The following LRRFIP2 variants were observed in gnomAD, a reference collection of about 807,000 sequenced individuals.
LRRFIP2 encodes the protein LRR binding FLII interacting protein 2.
LRRFIP2 carries 109 observed loss-of-function variants against 125.9 expected under a neutral mutation model. The ratio of observed to expected loss-of-function variants is 0.87; its 90% CI spans 0.74 to 1.01. The LOEUF (loss-of-function observed/expected upper bound fraction) is 1.01. Ranked by LOEUF, LRRFIP2 falls within the 50% of genes least tolerant of loss-of-function variation. The probability of loss-of-function intolerance (pLI) is 0.00; values close to 1 mark genes in which losing one functional copy is unlikely to be tolerated. For missense variants in LRRFIP2, 850 were observed against 862.3 expected, an observed-to-expected ratio of 0.99 and a Z score of 0.18; for synonymous variants, 291 against 293.1, an observed-to-expected ratio of 0.99 and a Z score of 0.07.
intron 19 of LRRFIP2, among the ~76,000 whole-genome samples, chr3:37,077,040 G>T (rs778298108): frequency 6.6e-6 from 1 of 152,148 alleles, no homozygotes; most frequent in African/African-American, 2.4e-5. Flanking sequence ...TCAAAAACTT[G>T]ACAACATATT....
intron 2 of LRRFIP2, among the ~76,000 whole-genome samples, chr3:37,137,706 C>G (rs2095593179): frequency 6.6e-6 from 1 of 152,150 alleles, no homozygotes; most frequent in Non-Finnish European, 1.5e-5. Context: ...GAGAATGACT[C>G]AAATCTAGCA....
chr3:37,090,359 G>C (rs2093360657), intron 18 of LRRFIP2, among the ~76,000 whole-genome samples: 1 of 152,076 alleles, frequency 6.6e-6, no homozygotes. Flanking sequence ...CTCCCAAGTA[G>C]CTTGGATTAC....
At chr3:37,153,140 T>C (rs1308501282) in intron 1 of LRRFIP2, among the ~76,000 whole-genome samples, 1 of 152,256 alleles carries the variant, frequency 6.6e-6, no homozygotes, top group East Asian at 1.9e-4. Flanking sequence ...TCACATCTAA[T>C]AATCCCAGCA....
At chr3:37,165,868 A>G (rs1288855694) in intron 1 of LRRFIP2, among the ~76,000 whole-genome samples, 1 of 152,048 alleles carries the variant, frequency 6.6e-6, no homozygotes, top group Non-Finnish European at 1.5e-5. Context: ...AGAAAGAAAG[A>G]AAGAAGAAAA....
intron 14 of LRRFIP2, among the ~76,000 whole-genome samples, chr3:37,103,780 CTTTT>C (rs1053265803): frequency 2.0e-4 from 31 of 152,248 alleles, no homozygotes; most frequent in East Asian, 1.3e-3. Flanking sequence ...ACATTTCTTT[CTTTT>C]TGTTTCTTTA....
At chr3:37,126,859 C>CAA (rs1553769307) in intron 4 of LRRFIP2, among the ~76,000 whole-genome samples, 1 of 135,914 alleles carries the variant, frequency 7.4e-6, no homozygotes, top group African/African-American at 2.7e-5. Flanking sequence ...AACTCCATCT[C>CAA]AAAAAAAAAA....
chr3:37,165,825 G>GAAAGAAAGAAAGAAAA (rs2096471863), intron 1 of LRRFIP2, among the ~76,000 whole-genome samples: 2 of 141,336 alleles, frequency 1.4e-5, no homozygotes, highest in African/African-American at 5.2e-5. Flanking sequence ...AAGAAAGAAA[G>GAAAGAAAGAAAGAAAA]AAAGAAAGAA....
At chr3:37,169,594 C>T (rs530736691) in intron 1 of LRRFIP2, among the ~76,000 whole-genome samples, 12 of 152,134 alleles carry the variant, frequency 7.9e-5, no homozygotes, top group Non-Finnish European at 1.2e-4. Context: ...GCATACAGTA[C>T]GGTATACTCT....
intron 13 of LRRFIP2, 30 bp from the exon 14 acceptor site, chr3:37,105,553 AG>A: frequency 6.3e-7 from 1 of 1,577,702 alleles, no homozygotes; most frequent in Non-Finnish European, 8.7e-7. Flanking sequence ...ATAATGAAAA[AG>A]ATGCAATTTT....
chr3:37,066,675 G>A (rs1040716512), intron 21 of LRRFIP2: 3 of 181,200 alleles, frequency 1.7e-5, no homozygotes, highest in Admixed American at 1.1e-4. Flanking sequence ...CTTACTGACT[G>A]CCTAAGTGCA....
chr3:37,063,470 G>C (rs942552537), intron 24 of LRRFIP2, among the ~76,000 whole-genome samples: 3 of 152,182 alleles, frequency 2.0e-5, no homozygotes, highest in Non-Finnish European at 4.4e-5. Flanking sequence ...AATGGTCAGG[G>C]GCGAGGTCAG....
At chr3:37,073,370 T>C (rs1309981146) in intron 20 of LRRFIP2, among the ~76,000 whole-genome samples, 1 of 152,214 alleles carries the variant, frequency 6.6e-6, no homozygotes, top group Non-Finnish European at 1.5e-5. Context: ...AAGAACACCA[T>C]GAATTTTGTA....
chr3:37,155,806 T>C (rs1013965490), intron 1 of LRRFIP2, among the ~76,000 whole-genome samples: 20 of 152,262 alleles, frequency 1.3e-4, no homozygotes, highest in African/African-American at 4.6e-4. Flanking sequence ...AAAGATAAAA[T>C]GATGAAATCC....
chr3:37,122,861 T>TA (rs1168188126), intron 4 of LRRFIP2, among the ~76,000 whole-genome samples: 5 of 152,224 alleles, frequency 3.3e-5, no homozygotes, highest in Non-Finnish European at 7.3e-5. Flanking sequence ...TCATGTGAGA[T>TA]AAAATGGCTA....
chr3:37,110,069 C>T (rs1339310491), intron 9 of LRRFIP2, among the ~76,000 whole-genome samples: 3 of 152,098 alleles, frequency 2.0e-5, no homozygotes, highest in Non-Finnish European at 4.4e-5. Context: ...ATCCCACTCA[C>T]CCAGTTCTTA....
At chr3:37,104,636 C>T (rs2094227258) in intron 14 of LRRFIP2, among the ~76,000 whole-genome samples, 2 of 152,146 alleles carry the variant, frequency 1.3e-5, no homozygotes, top group Non-Finnish European at 2.9e-5. Context: ...CCATCCGGAA[C>T]AATGTATTTT....
intron 19 of LRRFIP2, among the ~76,000 whole-genome samples, chr3:37,080,514 GCA>G (rs2092546767): frequency 6.6e-6 from 1 of 152,098 alleles, no homozygotes; most frequent in African/African-American, 2.4e-5. Context: ...AAGGATCTAA[GCA>G]CACACATACA....
chr3:37,168,992 G>C (rs1203572935), intron 1 of LRRFIP2, among the ~76,000 whole-genome samples: 1 of 152,048 alleles, frequency 6.6e-6, no homozygotes, highest in Non-Finnish European at 1.5e-5. Flanking sequence ...TCTATGTTTA[G>C]ATACACGAAA....
At chr3:37,072,165 C>T (rs1208954930) in intron 21 of LRRFIP2, among the ~76,000 whole-genome samples, 7 of 152,094 alleles carry the variant, frequency 4.6e-5, no homozygotes, top group African/African-American at 1.4e-4. Context: ...TCAAGTTAAC[C>T]ACAGAGTTTG....
Sources: gnomAD v4.1 joint callset for allele counts (sites outside exome capture counted in the v4.1 genomes callset) on GRCh38, gnomAD v4.1.1 for gene constraint, MANE v1.5 for transcripts, NCBI Gene and HGNC (gene_info 2026-07-23, HGNC 2026-07-21) for gene names.